The following VPS13B variants were observed in gnomAD, a reference collection of about 807,000 sequenced individuals.
VPS13B encodes vacuolar protein sorting 13 homolog B.
A neutral mutation model predicts 426.4 loss-of-function variants in VPS13B; 285 were observed. That is an observed-to-expected ratio of 0.67 (90% CI 0.61 to 0.74). VPS13B has a LOEUF of 0.74. Among genes scored for constraint, VPS13B ranks in the 30% least tolerant of loss-of-function variants. VPS13B has a pLI of 0.00. For synonymous variants in VPS13B, 1,676 were observed against 1,676.4 expected (o/e 1.00, Z 0.01); for missense variants, 4,537 against 4,782.6 (o/e 0.95, Z 1.51).
At chr8:99,148,556 A>G (rs1810878907) in intron 14 of VPS13B, among the ~76,000 whole-genome samples, 1 of 152,196 alleles carries the variant, frequency 6.6e-6, no homozygotes. Context: ...CCTAGAAGTC[A>G]GACCATATGC....
rs562336781 is a variant in VPS13B, at chr8:99,345,466, G to A, written c.2825-38742G>A. The stretch of plus-strand genomic sequence containing the variant: ...AACCGTGGGCTATATAAAGGAATGA[G>A]TTTGGTGGTATTTTGTGTAACTTTC... On this transcript the variant is annotated intron_variant, in intron 19 of 61. Transcript: ENST00000357162. 4.5e-4 allele frequency among the ~76,000 whole-genome samples: 68 copies of A among 152,206 alleles called. 2 individuals carry two copies. The highest frequency in any genetic ancestry group is 6.8e-3 in the Middle Eastern group (2 of 294).
chr8:99,397,632 C>T (rs537632987), intron 21 of VPS13B, among the ~76,000 whole-genome samples: 1 of 152,298 alleles, frequency 6.6e-6, no homozygotes, highest in Admixed American at 6.5e-5. Context: ...AGCACGCACC[C>T]TAAAGCTATT....
At chr8:99,136,045 A>C (rs1810054135) in intron 11 of VPS13B, among the ~76,000 whole-genome samples, 1 of 152,042 alleles carries the variant, frequency 6.6e-6, no homozygotes, top group African/African-American at 2.4e-5. Flanking sequence ...TAAAGAAATG[A>C]GGAATTTACC....
chr8:99,089,420 C>G (rs1588022571), intron 3 of VPS13B, among the ~76,000 whole-genome samples: 1 of 152,070 alleles, frequency 6.6e-6, no homozygotes, highest in Non-Finnish European at 1.5e-5. Flanking sequence ...GACGTGTGCC[C>G]AAGGTGGTCA....
chr8:99,507,180 C>T lies in VPS13B; in HGVS notation c.4201C>T (p.Leu1401=), dbSNP rs770973746. ...WQSGHFEGVF[L]QCKEKSVTTT... ...GTCAGGACATTTTGAAGGAGTATTT[C>T]TACAATGCAAAGAAAAATCTGTGGT... Residue 1401 remains leucine, a synonymous_variant, in exon 28 of 62, where the codon CTA becomes TTA. Coordinates refer to ENST00000357162, the MANE Select transcript of VPS13B (RefSeq NM_152564.5). 4 of 1,613,924 alleles carry T rather than the reference C, an allele frequency of 2.5e-6. No homozygotes were observed. The South Asian group carries it at 4.4e-5, about 18-fold the overall frequency.
intron 36 of VPS13B, among the ~76,000 whole-genome samples, chr8:99,705,668 G>A (rs1832469874): frequency 6.6e-6 from 1 of 151,944 alleles, no homozygotes; most frequent in African/African-American, 2.4e-5. Context: ...CTTTTATTTT[G>A]AGGTATATAT....
intron 61 of VPS13B, among the ~76,000 whole-genome samples, chr8:99,873,546 A>G (rs1390395075): frequency 6.6e-6 from 1 of 152,224 alleles, no homozygotes; most frequent in Admixed American, 6.5e-5. Flanking sequence ...AAGGCCCGGC[A>G]CTGGCTGGAA....
At chr8:99,254,483 A>C (rs919154050) in intron 17 of VPS13B, among the ~76,000 whole-genome samples, 1 of 151,408 alleles carries the variant, frequency 6.6e-6, no homozygotes, top group Non-Finnish European at 1.5e-5. Flanking sequence ...TTATTTTCAA[A>C]AGTTTATCCA....
intron 19 of VPS13B, among the ~76,000 whole-genome samples, chr8:99,283,811 C>T (rs1819285895): frequency 6.6e-6 from 1 of 152,144 alleles, no homozygotes; most frequent in South Asian, 2.1e-4. Flanking sequence ...GTTGTGGGAA[C>T]ATAGGAACAA....
At chr8:99,288,885 TATTG>T (rs983705066) in intron 19 of VPS13B, among the ~76,000 whole-genome samples, 5 of 152,032 alleles carry the variant, frequency 3.3e-5, no homozygotes, top group African/African-American at 9.7e-5. Flanking sequence ...GGAACAAAGA[TATTG>T]ATTGTCATAG....
chr8:99,451,632 G>A (rs1339249453), intron 23 of VPS13B, among the ~76,000 whole-genome samples: 1 of 152,160 alleles, frequency 6.6e-6, no homozygotes, highest in Non-Finnish European at 1.5e-5. Context: ...CCATGGCCTG[G>A]TTTTCAATCT....
intron 3 of VPS13B, among the ~76,000 whole-genome samples, chr8:99,066,392 G>A (rs947623879): frequency 5.1e-4 from 77 of 152,172 alleles, no homozygotes; most frequent in Admixed American, 1.8e-3. Context: ...AGAAAAACAA[G>A]CAATGGGGAA....
chr8:99,704,980 G>A (rs563170730), intron 36 of VPS13B, among the ~76,000 whole-genome samples: 3 of 152,132 alleles, frequency 2.0e-5, no homozygotes, highest in African/African-American at 7.2e-5. Flanking sequence ...TGCGTTTATG[G>A]TTTAGCAGAA....
rs1419202718 is a variant in VPS13B, at chr8:99,870,839, G to A, written c.11447G>A (p.Ser3816Asn). ...CTTCCCAAACAGCGCCATCAGCCAA[G>A]TGATCTACATGCTGACCAGGCTCCA... ...SQLPKQRHQPSDLHADQAPNS... is the reference protein window; with the variant it reads ...SQLPKQRHQPNDLHADQAPNS... The change falls in exon 60 of 62, where the codon AGT (serine) becomes AAT (asparagine). Residue 3816 changes from serine (S) to asparagine (N), a missense_variant. Around this residue, in one of 2 missense-constraint regions of VPS13B, gnomAD observed 4,311 missense variants for 4,474.3 expected, o/e 0.96. Transcript: ENST00000357162. 9.3e-6 allele frequency: 15 copies of A among 1,614,086 alleles called. No homozygotes were observed. The Admixed American group carries it at 2.3e-4, about 25-fold the overall frequency.
chr8:99,018,764 A>G (rs549156882), intron 2 of VPS13B, among the ~76,000 whole-genome samples: 113 of 118,378 alleles, frequency 9.5e-4, no homozygotes, highest in Non-Finnish European at 1.6e-3. Flanking sequence ...ATTCTTTTCT[A>G]TTAATGATTT....
intron 36 of VPS13B, among the ~76,000 whole-genome samples, chr8:99,708,813 TTCTC>T (rs541780920): frequency 1.4e-5 from 2 of 141,640 alleles, no homozygotes; most frequent in South Asian, 2.2e-4. Flanking sequence ...TATTAATAGG[TTCTC>T]TCTCTCTCTC....
intron 21 of VPS13B, among the ~76,000 whole-genome samples, chr8:99,429,913 G>T (rs1222740255): frequency 2.6e-5 from 4 of 152,002 alleles, no homozygotes; most frequent in African/African-American, 4.8e-5. Flanking sequence ...TGTATGACCT[G>T]GTCCCTATAT....
intron 34 of VPS13B, among the ~76,000 whole-genome samples, chr8:99,656,383 T>G (rs1341939952): frequency 6.6e-6 from 1 of 152,158 alleles, no homozygotes; most frequent in Non-Finnish European, 1.5e-5. Context: ...AATTTATTAT[T>G]TTTGAGAGAT....
intron 8 of VPS13B, among the ~76,000 whole-genome samples, chr8:99,125,720 A>G (rs989538676): frequency 6.6e-6 from 1 of 152,178 alleles, no homozygotes; most frequent in African/African-American, 2.4e-5. Flanking sequence ...TAATTATGTA[A>G]TATTTTGTAC....
Sources: gnomAD v4.1 joint callset for allele counts (sites outside exome capture counted in the v4.1 genomes callset) on GRCh38, gnomAD v4.1.1 for gene constraint, gnomAD v4.1.1 regional missense constraint, MANE v1.5 for transcripts, NCBI Gene and HGNC (gene_info 2026-07-23, HGNC 2026-07-21) for gene names.